Variants in NPAS3 observed in about 807,000 individuals in gnomAD.
The protein encoded by NPAS3 is neuronal PAS domain protein 3, also known as neuronal PAS domain-containing protein 3.
Under a neutral mutation model 73.1 loss-of-function variants are expected in NPAS3, and 14 were observed. The observed-to-expected ratio is 0.19, with a 90% CI of 0.13 to 0.30. The LOEUF is 0.30. Among genes scored for constraint, NPAS3 ranks in the 10% least tolerant of loss-of-function variants. NPAS3 has a pLI of 1.00. For synonymous variants in NPAS3, 620 were observed against 541.5 expected, an observed-to-expected ratio of 1.14 and a Z score of -2.01; for missense variants, 1,096 against 1,250.0, an observed-to-expected ratio of 0.88 and a Z score of 1.86.
chr14:33,363,759 G>A (rs917866061), intron 3 of NPAS3, among the ~76,000 whole-genome samples: 4 of 152,234 alleles, frequency 2.6e-5, no homozygotes, highest in African/African-American at 9.6e-5. Flanking sequence ...TAGTCATGTT[G>A]AATTGAATTT....
chr14:33,133,543 A>G (rs1157315091), intron 2 of NPAS3, among the ~76,000 whole-genome samples: 1 of 152,174 alleles, frequency 6.6e-6, no homozygotes, highest in Non-Finnish European at 1.5e-5. Flanking sequence ...ATGAATGTGT[A>G]AGTGCCAGTC....
intron 6 of NPAS3, among the ~76,000 whole-genome samples, chr14:33,685,750 ATTATC>A (rs1328460483): frequency 6.6e-6 from 1 of 152,194 alleles, no homozygotes; most frequent in Non-Finnish European, 1.5e-5. Context: ...AATAGCTTTC[ATTATC>A]TTATCTTTTC....
At chr14:33,494,573 G>C (rs2052072474) in intron 4 of NPAS3, among the ~76,000 whole-genome samples, 1 of 152,032 alleles carries the variant, frequency 6.6e-6, no homozygotes, top group African/African-American at 2.4e-5. Context: ...TGTCAGACCT[G>C]GATCTACAGG....
In NPAS3 at chr14:33,366,964, A is replaced by G. The variant is rs374160947; in HGVS notation, c.386-222A>G. On this transcript the variant is annotated intron_variant, in intron 3 of 11. Transcript: ENST00000356141. Reference sequence around the variant, plus strand: ...AGGAAAATTTTTAAAGTCTGAATGTATTTTTTTGATGTTTCTAGAAGTCGA... The same window carrying G: ...AGGAAAATTTTTAAAGTCTGAATGTGTTTTTTTGATGTTTCTAGAAGTCGA... 4.6e-4 allele frequency among the ~76,000 whole-genome samples: 69 copies of G among 150,664 alleles called. 2 individuals carry two copies. Among genetic ancestry groups the G allele is most frequent in the African/African-American group, 8.5e-4 (35 of 40,970 alleles).
chr14:33,353,910 T>C (rs2045203576), intron 3 of NPAS3, among the ~76,000 whole-genome samples: 1 of 152,182 alleles, frequency 6.6e-6, no homozygotes, highest in African/African-American at 2.4e-5. Flanking sequence ...ATGTGGATTA[T>C]AGATCATTAT....
chr14:33,173,953 A>G (rs2045490959), intron 2 of NPAS3, among the ~76,000 whole-genome samples: 1 of 152,194 alleles, frequency 6.6e-6, no homozygotes, highest in African/African-American at 2.4e-5. Context: ...TAGTTACAGA[A>G]TCCACTGGTA....
chr14:33,538,496 G>A (rs567176005), intron 4 of NPAS3, among the ~76,000 whole-genome samples: 1 of 152,310 alleles, frequency 6.6e-6, no homozygotes, highest in African/African-American at 2.4e-5. Context: ...TAAGCAGTTT[G>A]TCTCTTACAG....
chr14:33,123,039 C>T (rs958253430), intron 2 of NPAS3, among the ~76,000 whole-genome samples: 9 of 151,946 alleles, frequency 5.9e-5, no homozygotes, highest in Admixed American at 6.6e-5. Flanking sequence ...AAATACTGGC[C>T]GGACTGTCAT....
intron 3 of NPAS3, among the ~76,000 whole-genome samples, chr14:33,332,606 G>A (rs2044036156): frequency 6.6e-6 from 1 of 152,198 alleles, no homozygotes; most frequent in Admixed American, 6.6e-5. Context: ...CTTAACCACA[G>A]GCGTATGAAT....
chr14:33,295,271 C>G (rs1450514359), intron 3 of NPAS3, among the ~76,000 whole-genome samples: 2 of 152,180 alleles, frequency 1.3e-5, no homozygotes. Flanking sequence ...CCTCCCAGCT[C>G]CCGTAAGTAC....
intron 2 of NPAS3, among the ~76,000 whole-genome samples, chr14:33,103,372 A>G (rs111743551): frequency 5.3e-5 from 8 of 152,208 alleles, no homozygotes; most frequent in African/African-American, 1.9e-4. Flanking sequence ...CATCATGTAG[A>G]CTTACTATCA....
chr14:33,222,456 A>G (rs558086071), intron 3 of NPAS3, among the ~76,000 whole-genome samples: 14 of 152,334 alleles, frequency 9.2e-5, no homozygotes, highest in Admixed American at 5.9e-4. Flanking sequence ...TTGAACTCCT[A>G]TTCAGCATTC....
At chr14:33,006,993 G>T (rs1302146351) in intron 1 of NPAS3, among the ~76,000 whole-genome samples, 1 of 152,110 alleles carries the variant, frequency 6.6e-6, no homozygotes, top group Non-Finnish European at 1.5e-5. Flanking sequence ...TATTGTACAT[G>T]AGCATAGAGT....
intron 1 of NPAS3, among the ~76,000 whole-genome samples, chr14:32,959,292 C>A (rs2036810353): frequency 6.6e-6 from 1 of 152,190 alleles, no homozygotes; most frequent in Non-Finnish European, 1.5e-5. Flanking sequence ...TTTAATGCCA[C>A]ACTTGGCCTG....
rs2045177909 is a variant in NPAS3 at position 33,353,481 on chromosome 14, A to G, written c.386-13705A>G. 2.6e-5 allele frequency among the ~76,000 whole-genome samples: 4 copies of G among 152,260 alleles called. No individual in the cohort carries two copies. In the South Asian group the frequency reaches 8.3e-4, roughly 31 times the overall value. On this transcript the variant is annotated intron_variant, in intron 3 of 11. Coordinates refer to ENST00000356141, the Ensembl canonical transcript of NPAS3. ...ACTTTTGCCATGGCAAGAGATACAAAGACAGAAAACTTGGAGCCAATTGGA... is the reference window on the plus strand; with the variant it reads ...ACTTTTGCCATGGCAAGAGATACAAGGACAGAAAACTTGGAGCCAATTGGA...
At chr14:33,106,519 C>T (rs917150509) in intron 2 of NPAS3, among the ~76,000 whole-genome samples, 8 of 152,072 alleles carry the variant, frequency 5.3e-5, no homozygotes, top group African/African-American at 1.9e-4. Flanking sequence ...AAAGGAGAAG[C>T]AAATCATTAT....
chr14:33,346,422 G>C (rs991894237), intron 3 of NPAS3, among the ~76,000 whole-genome samples: 3 of 151,452 alleles, frequency 2.0e-5, no homozygotes, highest in Non-Finnish European at 4.4e-5. Context: ...CCAGCTACTT[G>C]GGAGGTGAGG....
At chr14:33,775,268 C>T (rs914776363) in intron 8 of NPAS3, among the ~76,000 whole-genome samples, 11 of 152,074 alleles carry the variant, frequency 7.2e-5, no homozygotes, top group Admixed American at 2.0e-4. Context: ...CAGGGAGGGC[C>T]GTGGAGAGGA....
intron 1 of NPAS3, among the ~76,000 whole-genome samples, chr14:32,967,122 CT>C (rs2037207538): frequency 1.3e-5 from 2 of 152,228 alleles, no homozygotes; most frequent in South Asian, 4.2e-4. Context: ...ACTACCACCC[CT>C]GAGACAGCAA....
Sources: gnomAD v4.1 joint callset for allele counts (sites outside exome capture counted in the v4.1 genomes callset) on GRCh38, gnomAD v4.1.1 for gene constraint, MANE v1.5 for transcripts, NCBI Gene and HGNC (gene_info 2026-07-23, HGNC 2026-07-21) for gene names.